The following MACROD2 variants were observed in gnomAD, a reference collection of about 807,000 sequenced individuals.
The protein encoded by MACROD2 is mono-ADP ribosylhydrolase 2.
A neutral mutation model predicts 70.4 loss-of-function variants in MACROD2; 36 were observed. That is an observed-to-expected ratio of 0.51 (90% confidence interval 0.39 to 0.68). MACROD2 has a LOEUF of 0.68. Ranked by LOEUF, MACROD2 falls within the 30% of genes least tolerant of loss-of-function variation. MACROD2 has a pLI of 0.00. For synonymous variants in MACROD2, 172 were observed against 178.8 expected (o/e 0.96, Z 0.30); for missense variants, 496 against 538.4 (o/e 0.92, Z 0.78).
intron 5 of MACROD2, among the ~76,000 whole-genome samples, chr20:15,195,887 A>G (rs1043249868): frequency 4.6e-5 from 7 of 152,222 alleles, no homozygotes; most frequent in Non-Finnish European, 8.8e-5. Context: ...ACACCATGGA[A>G]TATGACACAG....
At chr20:15,353,536 C>T (rs2078251748) in intron 6 of MACROD2, among the ~76,000 whole-genome samples, 1 of 151,816 alleles carries the variant, frequency 6.6e-6, no homozygotes, top group Non-Finnish European at 1.5e-5. Flanking sequence ...TTCTGCACAG[C>T]AAAAGAAACT....
intron 5 of MACROD2, among the ~76,000 whole-genome samples, chr20:14,795,844 G>C (rs1296758785): frequency 6.6e-6 from 1 of 152,024 alleles, no homozygotes; most frequent in South Asian, 2.1e-4. Context: ...AGGTCAGAAG[G>C]AAAGCAGGAG....
In MACROD2 at chr20:14,038,667, T is replaced by C. The variant is rs2053350653; in HGVS notation, c.163+36263T>C. ...GCTGTGCATTATGTCGTTTTTGTGG[T>C]TTATAATTCATAATGCCATGATGTT... On this transcript the variant is annotated intron_variant, in intron 2 of 17. Coordinates refer to ENST00000684519, the MANE Select transcript of MACROD2 (RefSeq NM_001351661.2). Among the ~76,000 whole-genome samples, 5 of 152,344 alleles carry C rather than the reference T, an allele frequency of 3.3e-5. 1 individual carries two copies. The South Asian group carries it at 1.0e-3, about 32-fold the overall frequency.
At chr20:14,036,855 G>T (rs1197803387) in intron 2 of MACROD2, among the ~76,000 whole-genome samples, 1 of 152,310 alleles carries the variant, frequency 6.6e-6, no homozygotes, top group East Asian at 1.9e-4. Context: ...TAGAGACGGG[G>T]TTTTGCCATG....
intron 5 of MACROD2, among the ~76,000 whole-genome samples, chr20:15,155,683 G>A (rs2076302103): frequency 6.6e-6 from 1 of 152,046 alleles, no homozygotes; most frequent in African/African-American, 2.4e-5. Context: ...AGGAACAGTG[G>A]TTTTATCACC....
chr20:15,559,226 CAAAAAAAAAAAAA>C (rs148608040), intron 8 of MACROD2, among the ~76,000 whole-genome samples: 7 of 43,246 alleles, frequency 1.6e-4, no homozygotes, highest in Non-Finnish European at 3.4e-4. Context: ...AACTCCGTCT[CAAAAAAAAAAAAA>C]AAAAAAAAAA....
At chr20:15,399,600 C>T (rs1043760616) in intron 6 of MACROD2, among the ~76,000 whole-genome samples, 9 of 152,180 alleles carry the variant, frequency 5.9e-5, no homozygotes, top group South Asian at 2.1e-4. Flanking sequence ...CAGTCTTTAG[C>T]GTAGCTAGAT....
chr20:14,255,896 G>T (rs146512004), intron 3 of MACROD2, among the ~76,000 whole-genome samples: 27 of 151,652 alleles, frequency 1.8e-4, no homozygotes, highest in South Asian at 1.3e-3. Context: ...TTTTATGAAG[G>T]GCCTAGATGT....
chr20:14,248,209 G>A (rs1312667847), intron 3 of MACROD2, among the ~76,000 whole-genome samples: 1 of 152,150 alleles, frequency 6.6e-6, no homozygotes, highest in Admixed American at 6.5e-5. Flanking sequence ...CAGATTGTCC[G>A]TATGGGTGGC....
chr20:14,594,454 T>A (rs942576662), intron 4 of MACROD2, among the ~76,000 whole-genome samples: 2 of 152,244 alleles, frequency 1.3e-5, no homozygotes, highest in Non-Finnish European at 2.9e-5. Flanking sequence ...ATTAATTTTT[T>A]AAAATTTTCC....
At chr20:14,947,741 C>A (rs938242576) in intron 5 of MACROD2, among the ~76,000 whole-genome samples, 1 of 152,120 alleles carries the variant, frequency 6.6e-6, no homozygotes, top group Non-Finnish European at 1.5e-5. Context: ...AGAATGACCA[C>A]TGACCTAAGG....
At chr20:15,844,495 C>T (rs536699753) in intron 8 of MACROD2, among the ~76,000 whole-genome samples, 2 of 152,214 alleles carry the variant, frequency 1.3e-5, no homozygotes, top group South Asian at 2.1e-4. Flanking sequence ...CCCATTTTTA[C>T]GGACATGAAA....
At chr20:15,825,879 G>A (rs539924705) in intron 8 of MACROD2, among the ~76,000 whole-genome samples, 2 of 152,068 alleles carry the variant, frequency 1.3e-5, no homozygotes, top group African/African-American at 2.4e-5. Context: ...AGAAAAAGTT[G>A]AGATTCATGA....
intron 2 of MACROD2, among the ~76,000 whole-genome samples, chr20:14,010,030 A>G (rs1158360253): frequency 6.6e-6 from 1 of 152,138 alleles, no homozygotes; most frequent in Non-Finnish European, 1.5e-5. Context: ...GCTGGGCTCA[A>G]TACTTAGGTG....
intron 4 of MACROD2, among the ~76,000 whole-genome samples, chr20:14,628,372 T>A (rs1270442081): frequency 1.3e-5 from 2 of 152,126 alleles, no homozygotes; most frequent in East Asian, 3.8e-4. Flanking sequence ...TGGCTGGAAA[T>A]CATGTAGTAG....
At chr20:15,339,372 A>T (rs1433131609) in intron 6 of MACROD2, among the ~76,000 whole-genome samples, 1 of 151,854 alleles carries the variant, frequency 6.6e-6, no homozygotes. Flanking sequence ...CTAAGACATC[A>T]ATCGACAAAG....
intron 4 of MACROD2, among the ~76,000 whole-genome samples, chr20:14,508,655 A>G (rs911526000): frequency 2.6e-5 from 4 of 152,250 alleles, no homozygotes; most frequent in African/African-American, 9.6e-5. Flanking sequence ...CCTATGAACA[A>G]CGTGGACAAA....
At chr20:16,045,751 C>A (rs965592530) in intron 17 of MACROD2, among the ~76,000 whole-genome samples, 22 of 151,968 alleles carry the variant, frequency 1.4e-4, no homozygotes, top group Non-Finnish European at 2.6e-4. Context: ...AAGTAAATTC[C>A]TGCCGTAGTT....
intron 6 of MACROD2, among the ~76,000 whole-genome samples, chr20:15,282,472 A>T (rs74809652): frequency 1.3e-5 from 2 of 152,196 alleles, no homozygotes; most frequent in Admixed American, 6.5e-5. Flanking sequence ...CATATCTTCA[A>T]TGCTTTGTTG....
Sources: gnomAD v4.1 joint callset for allele counts (sites outside exome capture counted in the v4.1 genomes callset) on GRCh38, gnomAD v4.1.1 for gene constraint, MANE v1.5 for transcripts, NCBI Gene and HGNC (gene_info 2026-07-23, HGNC 2026-07-21) for gene names.